Variants in FHOD3 observed in about 807,000 individuals in gnomAD.
FHOD3 encodes the protein formin homology 2 domain containing 3.
In FHOD3, 90 loss-of-function variants were observed where a neutral mutation model predicts 173.0. That is an observed-to-expected ratio of 0.52 (90% CI 0.44 to 0.62). The LOEUF (loss-of-function observed/expected upper bound fraction) is 0.62, where lower values mean the gene tolerates loss of function less well. FHOD3 is among the 20% of genes least tolerant of loss of function. The pLI is 0.00. For synonymous variants in FHOD3, 828 were observed against 823.0 expected (o/e 1.01, Z -0.10); for missense variants, 1,945 against 2,034.7 (o/e 0.96, Z 0.85).
chr18:36,746,073 C>T (rs991100625), intron 23 of FHOD3, among the ~76,000 whole-genome samples: 4 of 152,046 alleles, frequency 2.6e-5, no homozygotes, highest in Non-Finnish European at 4.4e-5. Context: ...GACTAAAAAT[C>T]TCTCTGATTT....
At chr18:36,742,644 C>A (rs895235124) in intron 21 of FHOD3, 93 bp from the exon 22 acceptor site, 6 of 1,370,778 alleles carry the variant, frequency 4.4e-6, no homozygotes, top group Middle Eastern at 1.9e-4. Flanking sequence ...CTGGGGAGAA[C>A]ACCGTGTGTT....
At chr18:36,521,619 G>A (rs554707970) in intron 5 of FHOD3, among the ~76,000 whole-genome samples, 3 of 152,200 alleles carry the variant, frequency 2.0e-5, no homozygotes, top group African/African-American at 7.2e-5. Context: ...ATCATCATTT[G>A]TTCCTTCCTA....
chr18:36,748,614 C>T (rs932366804), intron 24 of FHOD3, among the ~76,000 whole-genome samples: 1 of 152,016 alleles, frequency 6.6e-6, no homozygotes, highest in Non-Finnish European at 1.5e-5. Flanking sequence ...AGCTGGTCAC[C>T]CAGATGATGG....
Position 36,779,673 on chromosome 18 carries a change from G to A in FHOD3, c.*143G>A. On this transcript the variant is annotated 3_prime_UTR_variant, in exon 29 of 29. Transcript: ENST00000590592. The stretch of plus-strand genomic sequence containing the variant: ...AGCTCAATTCCCAGCGTCACCCCAT[G>A]GCTTGTGTTGCCTGCTACGCATTGA... The A allele has an allele frequency of 1.4e-6, 1 of 701,812 alleles. No individual in the cohort carries two copies. The highest frequency in any genetic ancestry group is 2.5e-6 in the Non-Finnish European group (1 of 407,446). 43.5% of individuals were successfully genotyped at this position (701,812 alleles called of 1,614,324 possible).
At chr18:36,635,495 G>A (rs570985016) in intron 10 of FHOD3, among the ~76,000 whole-genome samples, 29 of 152,292 alleles carry the variant, frequency 1.9e-4, no homozygotes, top group Admixed American at 1.8e-3. Context: ...CAGGGCTTTC[G>A]CTGGTCCAGG....
chr18:36,671,039 G>T (rs1307597594), intron 14 of FHOD3, among the ~76,000 whole-genome samples: 2 of 152,190 alleles, frequency 1.3e-5, no homozygotes, highest in African/African-American at 2.4e-5. Flanking sequence ...GACACTGTTT[G>T]CTCTAATTCA....
chr18:36,479,444 A>G (rs1230930147), intron 3 of FHOD3, among the ~76,000 whole-genome samples: 1 of 152,096 alleles, frequency 6.6e-6, no homozygotes, highest in East Asian at 1.9e-4. Flanking sequence ...TGCTTGCTTA[A>G]TATTAAGTGT....
chr18:36,517,689 T>G (rs1282581785), intron 5 of FHOD3, among the ~76,000 whole-genome samples: 1 of 152,242 alleles, frequency 6.6e-6, no homozygotes, highest in Non-Finnish European at 1.5e-5. Flanking sequence ...GGATAAGATC[T>G]TAAAACGCAT....
chr18:36,485,506 A>G (rs2054148770), intron 3 of FHOD3, among the ~76,000 whole-genome samples: 1 of 152,174 alleles, frequency 6.6e-6, no homozygotes, highest in African/African-American at 2.4e-5. Context: ...CCATTCTGTG[A>G]AAGTCCAGGG....
At chr18:36,600,528 C>T (rs1474941091) in intron 7 of FHOD3, among the ~76,000 whole-genome samples, 1 of 152,192 alleles carries the variant, frequency 6.6e-6, no homozygotes, top group Non-Finnish European at 1.5e-5. Context: ...AACATCCATC[C>T]TAAGAGTGTA....
At chr18:36,749,648 T>C (rs2042315658) in intron 24 of FHOD3, among the ~76,000 whole-genome samples, 1 of 152,244 alleles carries the variant, frequency 6.6e-6, no homozygotes, top group African/African-American at 2.4e-5. Context: ...TTCGTGTGCA[T>C]GTGTCTTTCT....
At chr18:36,442,115 A>C (rs180980838) in intron 3 of FHOD3, among the ~76,000 whole-genome samples, 10 of 152,274 alleles carry the variant, frequency 6.6e-5, no homozygotes, top group Non-Finnish European at 1.3e-4. Flanking sequence ...CAGACACTGG[A>C]CATTCCATGT....
intron 5 of FHOD3, among the ~76,000 whole-genome samples, chr18:36,512,945 G>A (rs2055740705): frequency 6.6e-6 from 1 of 152,154 alleles, no homozygotes; most frequent in African/African-American, 2.4e-5. Context: ...CCCAATTTGA[G>A]TTATCACCTG....
intron 1 of FHOD3, among the ~76,000 whole-genome samples, chr18:36,300,576 C>T (rs1044495937): frequency 6.6e-5 from 10 of 152,106 alleles, no homozygotes; most frequent in East Asian, 3.9e-4. Flanking sequence ...GTGCTTCTTC[C>T]GGGTCCCACA....
In FHOD3 at chr18:36,384,780, G is replaced by T. The variant is rs59593107; in HGVS notation, c.337+12036G>T. 2.9e-3 allele frequency among the ~76,000 whole-genome samples: 434 copies of T among 152,262 alleles called. 3 individuals are homozygous for T. Among genetic ancestry groups the T allele is most frequent in the African/African-American group, 0.01 (417 of 41,524 alleles). ...TTACTCACCCCTTGGAGACCTGTTT[G>T]TTATTTATAACAGTGAGAACGGGGG... On this transcript the variant is annotated intron_variant, in intron 3 of 28. Coordinates refer to ENST00000590592, the MANE Select transcript of FHOD3 (RefSeq NM_001281740.3).
chr18:36,550,184 T>A (rs1372296493), intron 5 of FHOD3, among the ~76,000 whole-genome samples: 3 of 149,792 alleles, frequency 2.0e-5, no homozygotes, highest in Non-Finnish European at 3.0e-5. Context: ...TGTGTGTGTG[T>A]TTGTATATAT....
chr18:36,412,525 A>G (rs2049408078), intron 3 of FHOD3, among the ~76,000 whole-genome samples: 1 of 152,236 alleles, frequency 6.6e-6, no homozygotes, highest in Non-Finnish European at 1.5e-5. Context: ...AAAGCTATCC[A>G]TGTGTCTTGG....
intron 5 of FHOD3, among the ~76,000 whole-genome samples, chr18:36,562,769 G>A (rs189671644): frequency 1.3e-4 from 20 of 152,306 alleles, no homozygotes; most frequent in Admixed American, 1.0e-3. Context: ...GTTTAGCATT[G>A]AGCAGTGGCT....
chr18:36,721,615 C>G (rs1319732714), intron 19 of FHOD3, among the ~76,000 whole-genome samples: 5 of 152,162 alleles, frequency 3.3e-5, no homozygotes, highest in Non-Finnish European at 7.3e-5. Flanking sequence ...CCACTGCACT[C>G]CAGTCTGGGT....
Sources: allele counts gnomAD v4.1 joint callset (sites outside exome capture counted in the v4.1 genomes callset), GRCh38; gene constraint gnomAD v4.1.1; transcripts MANE v1.5; gene names NCBI Gene and HGNC (gene_info 2026-07-23, HGNC 2026-07-21).